GRIA1: variants seen among roughly 807,000 people sequenced by gnomAD.
GRIA1 encodes the protein glutamate receptor 1.
A neutral mutation model predicts 99.2 loss-of-function variants in GRIA1; 31 were observed. That is an observed-to-expected ratio of 0.31 (90% CI 0.23 to 0.42). GRIA1 has a LOEUF of 0.42. Ranked by LOEUF, GRIA1 falls within the 10% of genes least tolerant of loss-of-function variation. The probability of loss-of-function intolerance (pLI) is 1.00; values close to 1 mark genes in which losing one functional copy is unlikely to be tolerated. For missense variants in GRIA1, 782 were observed against 1,157.5 expected, an observed-to-expected ratio of 0.68 and a Z score of 4.71; for synonymous variants, 438 against 432.4, an observed-to-expected ratio of 1.01 and a Z score of -0.16.
chr5:153,531,917 G>A (rs1758129681), intron 2 of GRIA1, among the ~76,000 whole-genome samples: 1 of 152,042 alleles, frequency 6.6e-6, no homozygotes, highest in African/African-American at 2.4e-5. Flanking sequence ...GTGCACCTGG[G>A]GTCAGGTAGT....
intron 2 of GRIA1, among the ~76,000 whole-genome samples, chr5:153,499,556 A>G (rs999590890): frequency 6.5e-5 from 9 of 138,260 alleles, no homozygotes; most frequent in East Asian, 2.3e-4. Flanking sequence ...CAGAGGTTGC[A>G]TTGAGCCAAG....
intron 2 of GRIA1, among the ~76,000 whole-genome samples, chr5:153,579,441 T>C (rs988003566): frequency 6.6e-6 from 1 of 152,188 alleles, no homozygotes; most frequent in East Asian, 1.9e-4. Context: ...GAGAGTCAAG[T>C]CAGCAAGTCT....
rs1766928020 is a variant in GRIA1 at position 153,813,014 on chromosome 5, T to G, written c.*1789T>G. On this transcript the variant is annotated 3_prime_UTR_variant, in exon 16 of 16. Transcript: ENST00000285900. ...GGGGTAGGTGCAGCTTTATTGGCTT[T>G]TCTGTGGATTCTCTCAGTGGACCCA... 6.6e-6 allele frequency: 1 copy of G among 152,252 alleles called. No homozygotes were observed. The highest frequency in any genetic ancestry group is 1.5e-5 in the Non-Finnish European group (1 of 68,058). The allele number at this position is 152,252 out of a possible 1,614,324, so 9.4% of individuals were successfully genotyped here. A position where few individuals can be genotyped will look rare whatever the true frequency, so the allele number is the denominator to read the frequency against.
intron 2 of GRIA1, among the ~76,000 whole-genome samples, chr5:153,530,277 C>A (rs985711778): frequency 4.6e-5 from 7 of 152,234 alleles, no homozygotes; most frequent in African/African-American, 1.7e-4. Context: ...CTGCATTTAA[C>A]TGCTATGGTA....
chr5:153,556,456 C>A (rs1207933366), intron 2 of GRIA1, among the ~76,000 whole-genome samples: 1 of 152,106 alleles, frequency 6.6e-6, no homozygotes, highest in Non-Finnish European at 1.5e-5. Flanking sequence ...AACAGAGTTG[C>A]TGGGAGTTTT....
intron 5 of GRIA1, among the ~76,000 whole-genome samples, chr5:153,656,563 G>A (rs144317831): frequency 2.5e-4 from 38 of 151,644 alleles, no homozygotes; most frequent in African/African-American, 8.9e-4. Flanking sequence ...CATTATTTCT[G>A]TCAAGTCTAT....
chr5:153,494,028 T>C lies in GRIA1; in HGVS notation c.183T>C (p.Ile61=), dbSNP rs756349055. 6 of 1,614,084 alleles carry C rather than the reference T, an allele frequency of 3.7e-6. No homozygotes were observed. In the South Asian group the frequency reaches 6.6e-5, roughly 18 times the overall value. ...CGAAGCTGCTCCCCCAGATTGATAT[T>C]GTGAACATCAGCGACAGCTTTGAGA... is the stretch of plus-strand genomic sequence containing the variant. ...EPPKLLPQID[I]VNISDSFEMT... The change falls in exon 2 of 16, where the codon ATT becomes ATC. Residue 61 remains isoleucine (I), a synonymous_variant. Transcript: ENST00000285900.
intron 11 of GRIA1, among the ~76,000 whole-genome samples, chr5:153,706,955 A>G (rs576253572): frequency 2.0e-5 from 3 of 151,952 alleles, no homozygotes; most frequent in Non-Finnish European, 4.4e-5. Flanking sequence ...TAATAAAACA[A>G]TAATAATAAT....
chr5:153,561,753 C>T (rs1443612023), intron 2 of GRIA1, among the ~76,000 whole-genome samples: 2 of 152,160 alleles, frequency 1.3e-5, no homozygotes, highest in Admixed American at 1.3e-4. Context: ...ATCACCATCA[C>T]CACCATTATT....
At chr5:153,504,263 G>A (rs490922) in intron 2 of GRIA1, among the ~76,000 whole-genome samples, 41,975 of 151,492 alleles carry the variant, frequency 0.28, 6,494 homozygotes, top group Non-Finnish European at 0.36. Flanking sequence ...CCCTCAAAGG[G>A]AATCAGGATG....
At chr5:153,785,299 A>C (rs1017311657) in intron 13 of GRIA1, among the ~76,000 whole-genome samples, 2 of 152,196 alleles carry the variant, frequency 1.3e-5, no homozygotes, top group Non-Finnish European at 2.9e-5. Context: ...AAATGTGTTT[A>C]AACTTTACTC....
At chr5:153,551,669 C>T (rs895185345) in intron 2 of GRIA1, among the ~76,000 whole-genome samples, 1 of 152,136 alleles carries the variant, frequency 6.6e-6, no homozygotes, top group East Asian at 1.9e-4. Flanking sequence ...TTATTCATAG[C>T]CCTTTTGCTG....
At chr5:153,514,570 C>G (rs1756427563) in intron 2 of GRIA1, among the ~76,000 whole-genome samples, 2 of 152,124 alleles carry the variant, frequency 1.3e-5, no homozygotes, top group South Asian at 4.1e-4. Flanking sequence ...TATGCTAGTA[C>G]CATGCTGTTT....
chr5:153,710,594 A>G (rs530740422), intron 11 of GRIA1, among the ~76,000 whole-genome samples: 1 of 152,312 alleles, frequency 6.6e-6, no homozygotes, highest in South Asian at 2.1e-4. Context: ...ATCATCACAG[A>G]CAAAACTTAT....
intron 14 of GRIA1, among the ~76,000 whole-genome samples, chr5:153,800,561 G>C (rs1477514297): frequency 6.6e-6 from 1 of 152,224 alleles, no homozygotes; most frequent in East Asian, 1.9e-4. Flanking sequence ...TCCAAAGCCA[G>C]GCTATGCCTT....
intron 2 of GRIA1, among the ~76,000 whole-genome samples, chr5:153,604,882 AG>A (rs1275811804): frequency 2.6e-5 from 4 of 152,322 alleles, no homozygotes; most frequent in African/African-American, 9.6e-5. Context: ...AGCTACAGAA[AG>A]GAACACTCAC....
intron 2 of GRIA1, 50 bp from the exon 3 acceptor site, chr5:153,646,878 T>C (rs1327747602): frequency 6.3e-7 from 1 of 1,599,080 alleles, no homozygotes; most frequent in East Asian, 2.2e-5. Context: ...TGGAGTCATC[T>C]GACCACTTTT....
At chr5:153,576,926 T>TTGGA (rs574916178) in intron 2 of GRIA1, among the ~76,000 whole-genome samples, 2,445 of 129,524 alleles carry the variant, frequency 0.019, 32 homozygotes, top group Non-Finnish European at 0.022. Context: ...TCAATAAATA[T>TTGGA]TGGATGGATG....
chr5:153,619,165 C>A (rs1766792285), intron 2 of GRIA1, among the ~76,000 whole-genome samples: 1 of 152,136 alleles, frequency 6.6e-6, no homozygotes. Flanking sequence ...TCTGTTGACT[C>A]ATTTAATGAA....
Sources: gnomAD v4.1 joint callset for allele counts (sites outside exome capture counted in the v4.1 genomes callset) on GRCh38, gnomAD v4.1.1 for gene constraint, MANE v1.5 for transcripts, NCBI Gene and HGNC (gene_info 2026-07-23, HGNC 2026-07-21) for gene names.